Variants in ACOXL observed in about 807,000 individuals in gnomAD.
ACOXL encodes the protein acyl-CoA oxidase like.
A neutral mutation model predicts 71.9 loss-of-function variants in ACOXL; 70 were observed. That is an observed-to-expected ratio of 0.97 (90% confidence interval 0.80 to 1.19). The LOEUF (loss-of-function observed/expected upper bound fraction) is 1.19, where lower values mean the gene tolerates loss of function less well. Among genes scored for constraint, ACOXL ranks in the 50% most tolerant of loss-of-function variants. The pLI is 0.00. For missense variants in ACOXL, 703 were observed against 736.3 expected (o/e 0.95, Z 0.52); for synonymous variants, 253 against 281.6 (o/e 0.90, Z 1.02).
chr2:111,109,953 C>T (rs1450464567), intron 17 of ACOXL, among the ~76,000 whole-genome samples: 1 of 152,128 alleles, frequency 6.6e-6, no homozygotes, highest in East Asian at 1.9e-4. Flanking sequence ...TGTGGAATTA[C>T]AAGCATGAGC....
intron 11 of ACOXL, among the ~76,000 whole-genome samples, chr2:110,932,965 G>A (rs2060530312): frequency 6.6e-6 from 1 of 152,174 alleles, no homozygotes; most frequent in Non-Finnish European, 1.5e-5. Context: ...GTTTAATCTC[G>A]AGGTCTACGT....
At chr2:110,909,770 G>A (rs189865528) in intron 11 of ACOXL, among the ~76,000 whole-genome samples, 4 of 150,680 alleles carry the variant, frequency 2.7e-5, no homozygotes, top group East Asian at 1.9e-4. Flanking sequence ...CCCAGGCGTC[G>A]CTGGCATGGC....
chr2:110,755,542 C>T (rs565352405), intron 1 of ACOXL, among the ~76,000 whole-genome samples: 16 of 152,204 alleles, frequency 1.1e-4, no homozygotes, highest in South Asian at 1.0e-3. Flanking sequence ...GATTTTTCCG[C>T]GGCAGATTGT....
intron 15 of ACOXL, among the ~76,000 whole-genome samples, chr2:111,040,310 G>A (rs552375085): frequency 1.3e-5 from 2 of 152,304 alleles, no homozygotes; most frequent in East Asian, 1.9e-4. Context: ...GAGAAGCTGC[G>A]GCTTGCTCCA....
chr2:110,971,236 A>G (rs914646027), intron 12 of ACOXL, among the ~76,000 whole-genome samples: 4 of 152,264 alleles, frequency 2.6e-5, no homozygotes, highest in Non-Finnish European at 5.9e-5. Context: ...CATTGTAGCC[A>G]TTATGGAAAT....
intron 17 of ACOXL, among the ~76,000 whole-genome samples, chr2:111,109,879 A>G (rs971444521): frequency 1.1e-4 from 17 of 151,990 alleles, no homozygotes; most frequent in African/African-American, 3.9e-4. Context: ...GGGTTTCACT[A>G]TGTTGGCCAG....
At chr2:110,792,820 A>C (rs903753304) in intron 3 of ACOXL, among the ~76,000 whole-genome samples, 2 of 152,004 alleles carry the variant, frequency 1.3e-5, no homozygotes, top group African/African-American at 4.8e-5. Context: ...AAAAACAAAA[A>C]ACCCACAAAA....
chr2:110,952,294 C>T (rs1002281463), intron 12 of ACOXL, among the ~76,000 whole-genome samples: 14 of 152,054 alleles, frequency 9.2e-5, no homozygotes, highest in African/African-American at 2.7e-4. Flanking sequence ...CTCTTTTTAG[C>T]CCCTGTTGTA....
chr2:111,103,761 G>A (rs1262687037), intron 17 of ACOXL, among the ~76,000 whole-genome samples: 1 of 150,066 alleles, frequency 6.7e-6, no homozygotes, highest in Non-Finnish European at 1.5e-5. Flanking sequence ...AAGTTATTCT[G>A]TGATTTTTTT....
chr2:110,905,118 C>T (rs2059393616), intron 10 of ACOXL, among the ~76,000 whole-genome samples: 1 of 152,082 alleles, frequency 6.6e-6, no homozygotes, highest in South Asian at 2.1e-4. Context: ...CTGGGCCTCG[C>T]AGGAGGGGCA....
At chr2:111,069,682 A>G (rs2067247859) in intron 16 of ACOXL, among the ~76,000 whole-genome samples, 1 of 152,168 alleles carries the variant, frequency 6.6e-6, no homozygotes, top group Non-Finnish European at 1.5e-5. Context: ...TGGGGGTGAC[A>G]GTAAGTTGAG....
chr2:110,743,601 T>C (rs72828861), intron 1 of ACOXL, among the ~76,000 whole-genome samples: 8,733 of 152,134 alleles, frequency 0.057, 426 homozygotes, highest in African/African-American at 0.12. Context: ...TGCCAGGCCT[T>C]TGGTGGGACA....
At chr2:110,819,977 C>T (rs1688402593) in intron 9 of ACOXL, among the ~76,000 whole-genome samples, 1 of 152,200 alleles carries the variant, frequency 6.6e-6, no homozygotes, top group Admixed American at 6.5e-5. Flanking sequence ...TCCCTGTCTC[C>T]TGAGGATGCT....
intron 12 of ACOXL, among the ~76,000 whole-genome samples, chr2:110,986,422 C>A (rs572983526): frequency 1.3e-5 from 2 of 152,194 alleles, no homozygotes; most frequent in African/African-American, 4.8e-5. Flanking sequence ...TAAGCTCACA[C>A]GACGTGGTTT....
intron 11 of ACOXL, among the ~76,000 whole-genome samples, chr2:110,909,295 T>C (rs1367671020): frequency 1.3e-5 from 2 of 152,066 alleles, no homozygotes; most frequent in South Asian, 4.2e-4. Flanking sequence ...CGTCCAGGTG[T>C]GTGTGTATTT....
Position 110,898,184 on chromosome 2 carries a change from T to TG in ACOXL, c.789-10605_789-10604insG, listed in dbSNP as rs1553418878. 2.0e-5 allele frequency among the ~76,000 whole-genome samples: 3 copies of TG among 151,910 alleles called. No homozygotes were observed. In the East Asian group the frequency reaches 5.8e-4, roughly 29 times the overall value. ...CCAGAAGAATTATTAATAGCAACAG[T>TG]CTATACAACTCTTTTAGAAAACAGA... On this transcript the variant is annotated intron_variant, in intron 10 of 17. Coordinates refer to ENST00000439055, the MANE Select transcript of ACOXL (RefSeq NM_001142807.4).
intron 1 of ACOXL, among the ~76,000 whole-genome samples, chr2:110,751,376 A>T (rs577403384): frequency 6.6e-6 from 1 of 151,836 alleles, no homozygotes; most frequent in Non-Finnish European, 1.5e-5. Flanking sequence ...CTTTATATCC[A>T]CTACCTAGAT....
intron 16 of ACOXL, among the ~76,000 whole-genome samples, chr2:111,083,523 G>A (rs752307950): frequency 1.3e-5 from 2 of 151,752 alleles, no homozygotes; most frequent in Admixed American, 6.6e-5. Flanking sequence ...GCAAGGTGGT[G>A]GCAACCAGAT....
intron 16 of ACOXL, among the ~76,000 whole-genome samples, chr2:111,070,634 C>T (rs1404715914): frequency 2.6e-5 from 4 of 151,982 alleles, no homozygotes; most frequent in Non-Finnish European, 4.4e-5. Flanking sequence ...CATGTACCCA[C>T]GATCCTAAAA....
Sources: gnomAD v4.1 joint callset for allele counts (sites outside exome capture counted in the v4.1 genomes callset) on GRCh38, gnomAD v4.1.1 for gene constraint, MANE v1.5 for transcripts, NCBI Gene and HGNC (gene_info 2026-07-23, HGNC 2026-07-21) for gene names.